The following GRM7 variants were observed in gnomAD, a reference collection of about 807,000 sequenced individuals.
GRM7 encodes glutamate metabotropic receptor 7.
GRM7 carries 35 observed loss-of-function variants against 84.5 expected under a neutral mutation model. That is an observed-to-expected ratio of 0.41 (90% CI 0.32 to 0.55). The LOEUF is 0.55. GRM7 is among the 20% of genes least tolerant of loss of function. GRM7 has a pLI of 0.19. For missense variants in GRM7, 1,003 were observed against 1,194.6 expected, an observed-to-expected ratio of 0.84 and a Z score of 2.36; for synonymous variants, 487 against 455.1, an observed-to-expected ratio of 1.07 and a Z score of -0.89.
chr3:7,017,078 A>T (rs1219989309), intron 1 of GRM7, among the ~76,000 whole-genome samples: 1 of 152,188 alleles, frequency 6.6e-6, no homozygotes, highest in Non-Finnish European at 1.5e-5. Flanking sequence ...CTTGGGAGCC[A>T]TTGCTCTAAT....
intron 5 of GRM7, among the ~76,000 whole-genome samples, chr3:7,437,037 A>G (rs1021823090): frequency 6.6e-6 from 1 of 152,122 alleles, no homozygotes. Context: ...ACTCCTTACA[A>G]CTGTTATTTC....
chr3:7,566,340 G>A (rs1021738483), intron 7 of GRM7, among the ~76,000 whole-genome samples: 6 of 152,062 alleles, frequency 3.9e-5, no homozygotes, highest in Admixed American at 1.3e-4. Flanking sequence ...TACAGAATAT[G>A]AGTCCAGTTT....
chr3:7,707,441 T>C (rs1245460338), intron 9 of GRM7, among the ~76,000 whole-genome samples: 3 of 152,286 alleles, frequency 2.0e-5, no homozygotes, highest in Admixed American at 6.5e-5. Context: ...CTGTTTAGCA[T>C]GACTGCCCAC....
intron 4 of GRM7, among the ~76,000 whole-genome samples, chr3:7,403,672 C>CAT (rs1695551069): frequency 7.9e-6 from 1 of 127,014 alleles, no homozygotes; most frequent in Non-Finnish European, 1.8e-5. Flanking sequence ...CACATTTTTA[C>CAT]ATATATATAC....
At position 7,229,759 on chromosome 3, in the gene GRM7, AT is replaced by A. The variant is rs1200808989; in HGVS notation, c.737-68910del. 9.7e-3 allele frequency among the ~76,000 whole-genome samples: 293 copies of A among 30,270 alleles called. 4 individuals are homozygous for A. The highest frequency in any genetic ancestry group is 0.029 in the East Asian group (11 of 374). 19.9% of individuals were successfully genotyped at this position (30,270 alleles called of 152,430 possible). A position where few individuals can be genotyped will look rare whatever the true frequency, so the allele number is the denominator to read the frequency against. The stretch of plus-strand genomic sequence containing the variant: ...TATATATATATATATATATATATAT[AT>A]TTTTTTTTTTTTTTGGTTGACAGGT... On this transcript the variant is annotated intron_variant, in intron 2 of 9. Coordinates refer to ENST00000357716, the MANE Select transcript of GRM7 (RefSeq NM_000844.4).
intron 5 of GRM7, among the ~76,000 whole-genome samples, chr3:7,452,080 C>T (rs1697793460): frequency 6.6e-6 from 1 of 152,114 alleles, no homozygotes; most frequent in African/African-American, 2.4e-5. Flanking sequence ...ATTAGACTTA[C>T]ATATGTGAGA....
At chr3:7,059,301 A>G (rs1697343997) in intron 1 of GRM7, among the ~76,000 whole-genome samples, 1 of 151,784 alleles carries the variant, frequency 6.6e-6, no homozygotes, top group Non-Finnish European at 1.5e-5. Context: ...TTATCTATCA[A>G]TGAACCACAT....
intron 8 of GRM7, among the ~76,000 whole-genome samples, chr3:7,618,789 G>A (rs1697230240): frequency 6.6e-6 from 1 of 152,074 alleles, no homozygotes; most frequent in Non-Finnish European, 1.5e-5. Context: ...CAATTACAGT[G>A]GGCTGGAGGT....
At chr3:7,429,708 A>G (rs1394828559) in intron 5 of GRM7, among the ~76,000 whole-genome samples, 1 of 152,190 alleles carries the variant, frequency 6.6e-6, no homozygotes, top group East Asian at 1.9e-4. Flanking sequence ...ATCTGGCAGC[A>G]CTGGAATTTG....
chr3:6,973,880 G>A (rs1317867263), intron 1 of GRM7, among the ~76,000 whole-genome samples: 1 of 152,148 alleles, frequency 6.6e-6, no homozygotes, highest in Non-Finnish European at 1.5e-5. Flanking sequence ...TTTGATAAGA[G>A]GGAAAGTCAT....
In GRM7 at chr3:7,452,625, A is replaced by C; in HGVS notation, c.1193A>C (p.Lys398Thr). The C allele has an allele frequency of 6.2e-7, 1 of 1,608,776 alleles. No individual in the cohort carries two copies. Among genetic ancestry groups the C allele is most frequent in the Non-Finnish European group, 8.5e-7 (1 of 1,175,354 alleles). The part of the protein sequence containing the change: ...RKCTGQERIG[K>T]DSNYEQEGKV... Reference sequence around the variant, plus strand: ...TGTGCAGGACAGGAGAGAATTGGAAAAGATTCCAACTATGAGCAGGAGGGT... The same window carrying C: ...TGTGCAGGACAGGAGAGAATTGGAACAGATTCCAACTATGAGCAGGAGGGT... The change falls in exon 6 of 10, where the codon AAA becomes ACA. Residue 398 changes from lysine to threonine, a missense_variant. Coordinates refer to ENST00000357716, the MANE Select transcript of GRM7 (RefSeq NM_000844.4).
Position 7,552,064 on chromosome 3 carries a change from C to T in GRM7, c.1516-26358C>T, listed in dbSNP as rs114010332. Reference sequence around the variant, plus strand: ...ATCATGAGAACAGCATGGGAGAAACCACTCCCATAATTCAATTAACTCCAC... The same window carrying T: ...ATCATGAGAACAGCATGGGAGAAACTACTCCCATAATTCAATTAACTCCAC... On this transcript the variant is annotated intron_variant, in intron 7 of 9. Transcript: ENST00000357716. 4.6e-3 allele frequency among the ~76,000 whole-genome samples: 700 copies of T among 152,266 alleles called. 4 individuals carry two copies. The highest frequency in any genetic ancestry group is 0.016 in the African/African-American group (671 of 41,556).
chr3:7,733,751 A>G (rs1458964294), intron 9 of GRM7, among the ~76,000 whole-genome samples: 3 of 152,112 alleles, frequency 2.0e-5, no homozygotes, highest in Admixed American at 6.5e-5. Context: ...TATTGAAGTA[A>G]TTTATGTGGC....
intron 9 of GRM7, among the ~76,000 whole-genome samples, chr3:7,706,897 G>C (rs986650627): frequency 1.3e-5 from 2 of 152,084 alleles, no homozygotes; most frequent in Non-Finnish European, 2.9e-5. Flanking sequence ...ATCTGGCTAG[G>C]AGGAGGCACC....
At chr3:7,278,895 T>C (rs1699164350) in intron 2 of GRM7, among the ~76,000 whole-genome samples, 1 of 152,170 alleles carries the variant, frequency 6.6e-6, no homozygotes, top group Non-Finnish European at 1.5e-5. Context: ...ATTTAGCTTT[T>C]TGGTAGGTTG....
At chr3:7,662,208 T>C (rs1699492141) in intron 8 of GRM7, among the ~76,000 whole-genome samples, 2 of 152,116 alleles carry the variant, frequency 1.3e-5, no homozygotes, top group Admixed American at 6.5e-5. Flanking sequence ...AGAAAAGAAT[T>C]TGCAGTGAGC....
chr3:7,410,632 CACAT>C (rs1197540811), intron 4 of GRM7, among the ~76,000 whole-genome samples: 1 of 144,204 alleles, frequency 6.9e-6, no homozygotes, highest in Non-Finnish European at 1.5e-5. Flanking sequence ...CACAAATACA[CACAT>C]ACACACAAAA....
intron 1 of GRM7, among the ~76,000 whole-genome samples, chr3:7,117,723 T>G (rs1212343042): frequency 6.6e-6 from 1 of 152,198 alleles, no homozygotes; most frequent in Non-Finnish European, 1.5e-5. Flanking sequence ...ATGGGCCATG[T>G]GAAGTTGAGC....
chr3:7,065,118 AT>A (rs1697607008), intron 1 of GRM7, among the ~76,000 whole-genome samples: 1 of 151,368 alleles, frequency 6.6e-6, no homozygotes, highest in South Asian at 2.1e-4. Flanking sequence ...GATTGTGAAG[AT>A]TTTCTCCAAC....
Sources: allele counts gnomAD v4.1 joint callset (sites outside exome capture counted in the v4.1 genomes callset), GRCh38; gene constraint gnomAD v4.1.1; transcripts MANE v1.5; gene names NCBI Gene and HGNC (gene_info 2026-07-23, HGNC 2026-07-21).